Variants in NFU1 observed in about 807,000 individuals in gnomAD.
NFU1 encodes the protein NFU1 iron-sulfur cluster scaffold homolog, mitochondrial.
A neutral mutation model predicts 32.2 loss-of-function variants in NFU1; 30 were observed. That is an observed-to-expected ratio of 0.93 (90% CI 0.70 to 1.26). The LOEUF (loss-of-function observed/expected upper bound fraction) is 1.26. Ranked by LOEUF, NFU1 falls within the 50% of genes most tolerant of loss-of-function variation. The pLI is 0.00. For missense variants in NFU1, 306 were observed against 306.6 expected, an observed-to-expected ratio of 1.00 and a Z score of 0.02; for synonymous variants, 112 against 104.6, an observed-to-expected ratio of 1.07 and a Z score of -0.43.
intron 1 of NFU1, among the ~76,000 whole-genome samples, chr2:69,436,458 A>G (rs1673839768): frequency 6.6e-6 from 1 of 152,222 alleles, no homozygotes; most frequent in Non-Finnish European, 1.5e-5. Context: ...CAGCCCAGGG[A>G]AAAGGCAGCA....
intron 2 of NFU1, among the ~76,000 whole-genome samples, chr2:69,428,328 T>C (rs1470972767): frequency 2.0e-5 from 3 of 151,762 alleles, no homozygotes; most frequent in Admixed American, 6.6e-5. Context: ...AGAAGGCTGA[T>C]GCAGGAGAAT....
intron 2 of NFU1, among the ~76,000 whole-genome samples, chr2:69,427,201 C>T (rs761228237): frequency 2.0e-5 from 3 of 150,292 alleles, no homozygotes; most frequent in African/African-American, 7.4e-5. Context: ...GCCTGGCCAA[C>T]ATGGTGAAAC....
At chr2:69,423,761 TAAC>T (rs1371168693) in intron 2 of NFU1, 44 bp from the exon 3 acceptor site, 2 of 1,438,126 alleles carry the variant, frequency 1.4e-6, no homozygotes, top group South Asian at 1.2e-5. Flanking sequence ...AAAAAACAGT[TAAC>T]AAGTTTATGG....
At chr2:69,403,184 CT>C (rs961696418) in intron 6 of NFU1, among the ~76,000 whole-genome samples, 2 of 151,946 alleles carry the variant, frequency 1.3e-5, no homozygotes, top group African/African-American at 4.8e-5. Flanking sequence ...TGCCTGGCCC[CT>C]ATATCTCTTC....
rs1413426881 is a variant in NFU1 at position 69,437,412 on chromosome 2, G to A, written c.11C>T (p.Thr4Met). MAA[T>M]ARRGWGAAAV... ...CGCAGCTCCCCAGCCCCGCCTGGCCGTCGCCGCCATCTTAGTCCGGAGTGC... is the reference window on the plus strand; with the variant it reads ...CGCAGCTCCCCAGCCCCGCCTGGCCATCGCCGCCATCTTAGTCCGGAGTGC... Residue 4 changes from threonine (T) to methionine (M), a missense_variant, in exon 1 of 8, where the codon ACG becomes ATG. Transcript: ENST00000410022. 3 of 1,610,562 alleles carry A rather than the reference G, an allele frequency of 1.9e-6. No homozygotes were observed. The highest frequency in any genetic ancestry group is 2.5e-6 in the Non-Finnish European group (3 of 1,179,532).
At chr2:69,401,919 A>T (rs1363751318) in intron 6 of NFU1, among the ~76,000 whole-genome samples, 2 of 150,120 alleles carry the variant, frequency 1.3e-5, no homozygotes, top group Non-Finnish European at 3.0e-5. Context: ...TTGGAGACAG[A>T]GTCTCACTCT....
At chr2:69,432,130 A>G (rs942953533) in intron 1 of NFU1, 125 bp from the exon 2 acceptor site, 14 of 678,920 alleles carry the variant, frequency 2.1e-5, no homozygotes, top group Non-Finnish European at 2.9e-5. Flanking sequence ...AGAAATAATT[A>G]GAGAACTGAC....
chr2:69,428,362 T>C (rs1673534940), intron 2 of NFU1, among the ~76,000 whole-genome samples: 2 of 151,596 alleles, frequency 1.3e-5, no homozygotes, highest in East Asian at 3.9e-4. Flanking sequence ...GAGAGGGAGG[T>C]TGCAGTGAGC....
intron 2 of NFU1, among the ~76,000 whole-genome samples, chr2:69,429,036 C>T (rs1489843854): frequency 5.3e-5 from 8 of 152,120 alleles, no homozygotes; most frequent in Admixed American, 3.3e-4. Flanking sequence ...AAAAAATAGC[C>T]GCAATGTCCA....
chr2:69,422,515 T>C (rs979517536), intron 3 of NFU1, among the ~76,000 whole-genome samples: 2 of 152,176 alleles, frequency 1.3e-5, no homozygotes. Flanking sequence ...CAGATTCAAC[T>C]ACCCTTATGA....
intron 3 of NFU1, among the ~76,000 whole-genome samples, chr2:69,420,404 T>C (rs1673198566): frequency 6.6e-6 from 1 of 152,244 alleles, no homozygotes; most frequent in Non-Finnish European, 1.5e-5. Context: ...TGGGGCTTTT[T>C]TACTTTTACT....
intron 5 of NFU1, chr2:69,411,206 T>C (rs1354000766): frequency 1.3e-5 from 2 of 152,104 alleles, no homozygotes; most frequent in East Asian, 1.9e-4. Flanking sequence ...TGATTAAATA[T>C]GTAAGTGTAA....
At chr2:69,438,798 C>T (rs1019841047), upstream of NFU1, among the ~76,000 whole-genome samples, 3 of 152,000 alleles carry the variant, frequency 2.0e-5, no homozygotes, top group South Asian at 6.2e-4. Context: ...GCTGTGCCTC[C>T]TACGAGTTTG....
At chr2:69,412,089 T>C (rs536410783) in intron 5 of NFU1, among the ~76,000 whole-genome samples, 2 of 152,086 alleles carry the variant, frequency 1.3e-5, no homozygotes, top group African/African-American at 4.8e-5. Flanking sequence ...TCTCGCTCTG[T>C]CACTAGGCTG....
chr2:69,408,861 C>CTTT lies in NFU1; in HGVS notation c.485-2782_485-2780dup, dbSNP rs1173785443. The stretch of plus-strand genomic sequence containing the variant: ...GGATATTTGTGTAAACAGGCTTGTG[C>CTTT]TTTTTTTTTTTTTTTTTTTTTTTGA... On this transcript the variant is annotated intron_variant, in intron 5 of 7. Coordinates refer to ENST00000410022, the MANE Select transcript of NFU1 (RefSeq NM_001002755.4). Among the ~76,000 whole-genome samples, 69 of 67,766 alleles carry CTTT rather than the reference C, an allele frequency of 1.0e-3. 5 individuals carry two copies. The highest frequency in any genetic ancestry group is 1.8e-3 in the South Asian group (3 of 1,634). The allele number at this position is 67,766 out of a possible 152,430, so 44.5% of individuals were successfully genotyped here. A position where few individuals can be genotyped will look rare whatever the true frequency, so the allele number is the denominator to read the frequency against.
rs186916566 is a variant in NFU1 at position 69,433,515 on chromosome 2, G to A, written c.63-1510C>T. Among the ~76,000 whole-genome samples the A allele has an allele frequency of 2.3e-3, 343 of 151,286 alleles. 3 individuals are homozygous for A. Among genetic ancestry groups the A allele is most frequent in the Admixed American group, 8.6e-3 (130 of 15,158 alleles). On this transcript the variant is annotated intron_variant, in intron 1 of 7. Transcript: ENST00000410022. ...TTTTGAGACTGAGTCTCACTTTGTC[G>A]CCCACGCTGGAGTGCAGTGATGCGA...
At chr2:69,419,406 T>TA in intron 4 of NFU1, 132 bp downstream of exon 4, 2 of 638,990 alleles carry the variant, frequency 3.1e-6, no homozygotes, top group South Asian at 3.9e-5. Flanking sequence ...GACAAGAGAG[T>TA]AAGACCCTGT....
chr2:69,422,110 G>C (rs1307252691), intron 3 of NFU1, among the ~76,000 whole-genome samples: 3 of 152,064 alleles, frequency 2.0e-5, no homozygotes, highest in Non-Finnish European at 4.4e-5. Context: ...ACTACTTTAA[G>C]AGATGGCTTC....
downstream of NFU1, chr2:69,396,057 G>A (rs1672320638): frequency 3.8e-6 from 2 of 519,768 alleles, no homozygotes; most frequent in Middle Eastern, 5.2e-4. Flanking sequence ...TAAAATCCAC[G>A]TGTACAGAAG....
Sources: gnomAD v4.1 joint callset for allele counts (sites outside exome capture counted in the v4.1 genomes callset) on GRCh38, gnomAD v4.1.1 for gene constraint, MANE v1.5 for transcripts, NCBI Gene and HGNC (gene_info 2026-07-23, HGNC 2026-07-21) for gene names.